Variants in NPSR1 observed in about 807,000 individuals in gnomAD.
NPSR1 encodes the protein neuropeptide S receptor 1, also known as neuropeptide S receptor.
In NPSR1, 48 loss-of-function variants were observed where a neutral mutation model predicts 46.9. The ratio of observed to expected loss-of-function variants is 1.02; its 90% confidence interval spans 0.81 to 1.30. The LOEUF is 1.30. Ranked by LOEUF, NPSR1 falls within the 50% of genes most tolerant of loss-of-function variation. The pLI, the probability that NPSR1 is intolerant of heterozygous loss-of-function variation, is 0.00. For synonymous variants in NPSR1, 176 were observed against 168.1 expected (o/e 1.05, Z -0.36); for missense variants, 450 against 449.5 (o/e 1.00, Z -0.01).
chr7:34,733,418 TAA>T (rs34203443), intron 2 of NPSR1, among the ~76,000 whole-genome samples: 193 of 131,756 alleles, frequency 1.5e-3, no homozygotes, highest in African/African-American at 4.3e-3. Flanking sequence ...GATTTTGTCT[TAA>T]AAAAAAAAAA....
chr7:34,664,516 TGA>T (rs1240350319), intron 1 of NPSR1, among the ~76,000 whole-genome samples: 2 of 152,072 alleles, frequency 1.3e-5, no homozygotes, highest in Non-Finnish European at 2.9e-5. Flanking sequence ...CGGAAGATGC[TGA>T]GAGAGACCAC....
intron 2 of NPSR1, chr7:34,750,421 A>G: frequency 1.3e-6 from 1 of 744,852 alleles, no homozygotes; most frequent in Non-Finnish European, 2.5e-6. Flanking sequence ...GCCGATGGGT[A>G]GTACGACGGG....
chr7:34,868,350 C>G (rs1791368246), intron 8 of NPSR1, among the ~76,000 whole-genome samples: 1 of 151,686 alleles, frequency 6.6e-6, no homozygotes, highest in Admixed American at 6.6e-5. Flanking sequence ...ATTAGTCTCT[C>G]CCTTAGCCTG....
chr7:34,866,393 G>T (rs1339018926), intron 8 of NPSR1, among the ~76,000 whole-genome samples: 3 of 151,844 alleles, frequency 2.0e-5, no homozygotes, highest in Non-Finnish European at 4.4e-5. Context: ...AGACAGACAT[G>T]CAAATGATGA....
At chr7:34,852,294 C>T (rs968666235), downstream of NPSR1, among the ~76,000 whole-genome samples, 1 of 151,258 alleles carries the variant, frequency 6.6e-6, no homozygotes, top group African/African-American at 2.4e-5. Context: ...AGCGAGAATC[C>T]GTCTCAAGGA....
At chr7:34,795,476 T>G (rs1788132008) in intron 3 of NPSR1, among the ~76,000 whole-genome samples, 1 of 152,254 alleles carries the variant, frequency 6.6e-6, no homozygotes, top group South Asian at 2.1e-4. Context: ...AAATAAAATG[T>G]TGCAGGTGAC....
chr7:34,659,994 G>A, intron 1 of NPSR1: 1 of 425,552 alleles, frequency 2.3e-6, no homozygotes, highest in South Asian at 1.7e-5. Context: ...CTGAGACTCT[G>A]GCAAGAATCA....
intron 2 of NPSR1, chr7:34,750,393 G>A (rs1785457559): frequency 8.1e-6 from 6 of 743,390 alleles, no homozygotes; most frequent in South Asian, 2.7e-5. Flanking sequence ...TCGGAAGCTC[G>A]CTGCTGGGTG....
chr7:34,866,876 C>A (rs183751826), intron 8 of NPSR1, among the ~76,000 whole-genome samples: 12 of 151,826 alleles, frequency 7.9e-5, no homozygotes, highest in Non-Finnish European at 1.8e-4. Context: ...CTTTAGACCA[C>A]ATGGGAGGTC....
intron 2 of NPSR1, among the ~76,000 whole-genome samples, chr7:34,767,037 T>A (rs944360469): frequency 6.6e-6 from 1 of 152,184 alleles, no homozygotes; most frequent in Non-Finnish European, 1.5e-5. Context: ...ACAAGGGAAT[T>A]TCTCGACAGT....
At chr7:34,691,748 G>GA (rs201442215) in intron 2 of NPSR1, among the ~76,000 whole-genome samples, 2,253 of 151,716 alleles carry the variant, frequency 0.015, 58 homozygotes, top group African/African-American at 0.051. Context: ...AAGATGAATA[G>GA]AAAAAAAATA....
intron 5 of NPSR1, among the ~76,000 whole-genome samples, chr7:34,829,390 G>A (rs1790014686): frequency 6.6e-6 from 1 of 152,208 alleles, no homozygotes; most frequent in South Asian, 2.1e-4. Context: ...AAGTTTGAAG[G>A]AGAAAAGGTT....
chr7:34,713,900 A>G (rs963338080), intron 2 of NPSR1, among the ~76,000 whole-genome samples: 1 of 152,282 alleles, frequency 6.6e-6, no homozygotes, highest in African/African-American at 2.4e-5. Flanking sequence ...CATCATTCAC[A>G]TGAACATGTG....
intron 2 of NPSR1, among the ~76,000 whole-genome samples, chr7:34,746,550 G>A (rs751965884): frequency 2.6e-5 from 4 of 152,154 alleles, no homozygotes; most frequent in Non-Finnish European, 4.4e-5. Flanking sequence ...CAGATAAGGG[G>A]AGACCTGCTG....
intron 2 of NPSR1, among the ~76,000 whole-genome samples, chr7:34,717,827 C>T (rs1783654598): frequency 1.3e-5 from 2 of 152,204 alleles, no homozygotes; most frequent in Admixed American, 1.3e-4. Flanking sequence ...AAGGCATTTT[C>T]ATGAGGACAC....
intron 8 of NPSR1, among the ~76,000 whole-genome samples, chr7:34,857,656 C>A (rs1791080325): frequency 6.6e-6 from 1 of 151,406 alleles, no homozygotes; most frequent in African/African-American, 2.4e-5. Context: ...AATAATGTGA[C>A]AAAACACAAA....
intron 3 of NPSR1, among the ~76,000 whole-genome samples, chr7:34,806,188 CAGTTG>C (rs570905202): frequency 1.3e-5 from 2 of 152,068 alleles, no homozygotes; most frequent in Non-Finnish European, 2.9e-5. Flanking sequence ...TGTATTTACT[CAGTTG>C]AGTTGACAAC....
At chr7:34,673,832 C>T (rs925572148) in intron 1 of NPSR1, among the ~76,000 whole-genome samples, 9 of 152,156 alleles carry the variant, frequency 5.9e-5, no homozygotes, top group African/African-American at 2.2e-4. Flanking sequence ...TTTTATCATA[C>T]ATATTTTCAT....
chr7:34,798,039 G>C (rs1030597769), intron 3 of NPSR1, among the ~76,000 whole-genome samples: 1 of 152,052 alleles, frequency 6.6e-6, no homozygotes, highest in African/African-American at 2.4e-5. Context: ...AAGTTCTTCA[G>C]ATAAAGGGGA....
Sources: gnomAD v4.1 joint callset for allele counts (sites outside exome capture counted in the v4.1 genomes callset) on GRCh38, gnomAD v4.1.1 for gene constraint, MANE v1.5 for transcripts, NCBI Gene and HGNC (gene_info 2026-07-23, HGNC 2026-07-21) for gene names.